Variants in LRRC34 observed in about 807,000 individuals in gnomAD.
LRRC34 encodes leucine-rich repeat-containing protein 34.
LRRC34 carries 44 observed loss-of-function variants against 48.5 expected under a neutral mutation model. The ratio of observed to expected loss-of-function variants is 0.91; its 90% CI spans 0.71 to 1.17. LRRC34 has a LOEUF of 1.17. Among genes scored for constraint, LRRC34 ranks in the 50% most tolerant of loss-of-function variants. The probability of loss-of-function intolerance (pLI) is 0.00; values close to 1 mark genes in which losing one functional copy is unlikely to be tolerated. For synonymous variants in LRRC34, 192 were observed against 197.6 expected, an observed-to-expected ratio of 0.97 and a Z score of 0.24; for missense variants, 502 against 563.0, an observed-to-expected ratio of 0.89 and a Z score of 1.10.
Position 169,793,662 on chromosome 3 carries a change from A to C in LRRC34, c.1368T>G (p.Ala456=). ...ATGGCTGTTGACCTACTGGAACAAG[A>C]GCAAAACCTGCATTAGATGAGTGGT... ...SYDHSSNAGF[A]LVPVGQQP The change falls in exon 11 of 11, where the codon GCT becomes GCG. Residue 456 remains alanine (A), a synonymous_variant. Coordinates refer to ENST00000446859, the MANE Select transcript of LRRC34 (RefSeq NM_001172779.2). 1 of 1,613,638 alleles carries C rather than the reference A, an allele frequency of 6.2e-7. No individual in the cohort carries two copies. Among genetic ancestry groups the C allele is most frequent in the Non-Finnish European group, 8.5e-7 (1 of 1,179,782 alleles).
Position 169,800,689 on chromosome 3 carries a change from G to A in LRRC34, c.723C>T (p.Asn241=). Residue 241 remains asparagine (N), a synonymous_variant, in exon 7 of 11, where the codon AAC becomes AAT. Transcript: ENST00000446859. Reference sequence around the variant, plus strand: ...CACTGTACAGTATAGGTCGGTTTAGGTTTATTGCCTTAATTGCTTGGTTTT... The same window carrying A: ...CACTGTACAGTATAGGTCGGTTTAGATTTATTGCCTTAATTGCTTGGTTTT... ...LTQNQAIKAI[N]LNRPILYSEQ... The A allele has an allele frequency of 6.5e-7, 1 of 1,535,028 alleles. No individual in the cohort carries two copies. The highest frequency in any genetic ancestry group is 8.7e-7 in the Non-Finnish European group (1 of 1,146,534).
At chr3:169,805,107 G>T (rs1234426279) in intron 5 of LRRC34, among the ~76,000 whole-genome samples, 5 of 152,134 alleles carry the variant, frequency 3.3e-5, no homozygotes, top group African/African-American at 1.2e-4. Flanking sequence ...AGAAGAAAAG[G>T]ATGTCCTCTC....
In LRRC34 at chr3:169,809,346, G is replaced by A. The variant is rs545755757; in HGVS notation, c.140-601C>T. Among the ~76,000 whole-genome samples the A allele has an allele frequency of 2.6e-5, 4 of 151,924 alleles. No homozygotes were observed. The East Asian group carries it at 7.7e-4, about 29-fold the overall frequency. On this transcript the variant is annotated intron_variant, in intron 1 of 10. Coordinates refer to ENST00000446859, the MANE Select transcript of LRRC34 (RefSeq NM_001172779.2). ...AGCACCTACTCCCACAAGCTTCTTG[G>A]ATACCCTCTACACCATCCCAAGTTT...
At chr3:169,795,929 A>T (rs999127042) in intron 9 of LRRC34, 1 of 1,177,848 alleles carries the variant, frequency 8.5e-7, no homozygotes, top group Non-Finnish European at 1.1e-6. Context: ...AAAAGTCTTG[A>T]TCATATTGAA....
chr3:169,812,373 T>C lies in LRRC34; in HGVS notation c.139+37A>G. On this transcript the variant is annotated intron_variant, in intron 1 of 10. Transcript: ENST00000446859. This position sits in a 1 kb window ranked among gnomAD's most constrained non-coding sequence, Gnocchi z 4.3. Reference sequence around the variant, plus strand: ...CCCGGCGCCCCTCGCGCGTTTTGTCTGGGCCAGGCCGCGCAGACGTGCTCC... The same window carrying C: ...CCCGGCGCCCCTCGCGCGTTTTGTCCGGGCCAGGCCGCGCAGACGTGCTCC... 2 of 1,511,174 alleles carry C rather than the reference T, an allele frequency of 1.3e-6. No individual in the cohort carries two copies. Among genetic ancestry groups the C allele is most frequent in the Non-Finnish European group, 1.8e-6 (2 of 1,136,904 alleles). The allele number at this position is 1,511,174 out of a possible 1,614,324, so 93.6% of individuals were successfully genotyped here. A position where few individuals can be genotyped will look rare whatever the true frequency, so the allele number is the denominator to read the frequency against.
Sources: allele counts gnomAD v4.1 joint callset (sites outside exome capture counted in the v4.1 genomes callset), GRCh38; gene constraint gnomAD v4.1.1; non-coding constraint Gnocchi (gnomAD v3.1); transcripts MANE v1.5; gene names NCBI Gene and HGNC (gene_info 2026-07-23, HGNC 2026-07-21).